The following GRK7 variants were observed in gnomAD, a reference collection of about 807,000 sequenced individuals.
GRK7 encodes the protein rhodopsin kinase GRK7.
GRK7 carries 24 observed loss-of-function variants against 34.1 expected under a neutral mutation model. That is an observed-to-expected ratio of 0.70 (90% CI 0.51 to 0.99). The LOEUF (loss-of-function observed/expected upper bound fraction) is 0.99, where lower values mean the gene tolerates loss of function less well. GRK7 is among the 50% of genes least tolerant of loss of function. The pLI is 0.00. For synonymous variants in GRK7, 256 were observed against 279.4 expected (o/e 0.92, Z 0.84); for missense variants, 644 against 707.3 (o/e 0.91, Z 1.02).
chr3:141,806,914 G>C (rs1711042319), intron 4 of GRK7, among the ~76,000 whole-genome samples: 2 of 151,544 alleles, frequency 1.3e-5, no homozygotes, highest in South Asian at 2.1e-4. Context: ...TATATAAATA[G>C]ATATGTCTTA....
chr3:141,751,656 CAT>C, the GRK7 span, among the ~76,000 whole-genome samples: 14 of 152,330 alleles, frequency 9.2e-5, no homozygotes, highest in Admixed American at 2.6e-4. Context: ...AAGAAAATAA[CAT>C]AATCATTTAT....
intron 5 of GRK7, among the ~76,000 whole-genome samples, chr3:141,809,915 G>T (rs944320143): frequency 9.2e-5 from 14 of 152,264 alleles, no homozygotes; most frequent in African/African-American, 3.4e-4. Flanking sequence ...AAAGGCGGGG[G>T]TTGTGGGTGT....
intron 3 of GRK7, 67 bp from the exon 4 acceptor site, chr3:141,780,307 A>G: frequency 7.5e-7 from 1 of 1,337,188 alleles, no homozygotes; most frequent in Non-Finnish European, 1.0e-6. Flanking sequence ...CTCCTCCTTT[A>G]TCATCTCCAC....
rs764500426 is a variant in GRK7, at chr3:141,818,490, A to AT, written c.*1440_*1441insT. The stretch of plus-strand genomic sequence containing the variant: ...GAGCAAGACTCTATCTCAAAAAAAA[A>AT]CAAAACAAAACAAAACAAAAAAAAC... On this transcript the variant is annotated 3_prime_UTR_variant, in exon 6 of 6. Coordinates refer to ENST00000682958, the MANE Select transcript of GRK7 (RefSeq NM_139209.3). The AT allele has an allele frequency of 3.3e-5, 5 of 150,888 alleles. No homozygotes were observed. Among genetic ancestry groups the AT allele is most frequent in the Non-Finnish European group, 7.3e-5 (5 of 68,180 alleles). 9.3% of individuals were successfully genotyped at this position (150,888 alleles called of 1,614,324 possible). A position where few individuals can be genotyped will look rare whatever the true frequency, so the allele number is the denominator to read the frequency against.
intron 5 of GRK7, among the ~76,000 whole-genome samples, chr3:141,813,878 A>G (rs1342925398): frequency 1.3e-5 from 2 of 152,250 alleles, no homozygotes; most frequent in Admixed American, 6.5e-5. Flanking sequence ...ACTTAGAGAC[A>G]GGGCTGTTGT....
Position 141,792,318 on chromosome 3 carries a change from T to C in GRK7, c.1050+11507T>C, listed in dbSNP as rs551465580. On this transcript the variant is annotated intron_variant, in intron 4 of 5. Transcript: ENST00000682958. The stretch of plus-strand genomic sequence containing the variant: ...ACTCGGGAGGCTGAGGCAGGGGAAT[T>C]GCTTGAACCCAAGAGACGGAGGCTG... Among the ~76,000 whole-genome samples the C allele has an allele frequency of 9.9e-5, 15 of 151,266 alleles. 1 individual carries two copies. The highest frequency in any genetic ancestry group is 3.6e-4 in the African/African-American group (15 of 41,138).
At chr3:141,780,299 C>T in intron 3 of GRK7, 75 bp from the exon 4 acceptor site, 1 of 1,255,902 alleles carries the variant, frequency 8.0e-7, no homozygotes, top group Non-Finnish European at 1.1e-6. Flanking sequence ...CCACCCACCT[C>T]CTCCTTTATC....
At chr3:141,756,417 A>G in the GRK7 span, among the ~76,000 whole-genome samples, 2 of 152,226 alleles carry the variant, frequency 1.3e-5, no homozygotes, top group Admixed American at 6.5e-5. Context: ...TTCAGGCACA[A>G]AAGACTACTT....
upstream of GRK7, among the ~76,000 whole-genome samples, chr3:141,762,925 A>C (rs1280371803): frequency 2.0e-5 from 3 of 152,172 alleles, no homozygotes; most frequent in Non-Finnish European, 2.9e-5. Context: ...TTGACTTGGA[A>C]AGGGAACTCC....
intron 3 of GRK7, 31 bp from the exon 4 acceptor site, chr3:141,780,343 C>A (rs751163213): frequency 6.3e-6 from 10 of 1,586,250 alleles, no homozygotes; most frequent in Non-Finnish European, 8.6e-6. Context: ...TCTACTTCTA[C>A]CTCTTTCTCT....
chr3:141,798,359 T>C (rs943987734), intron 4 of GRK7, among the ~76,000 whole-genome samples: 3 of 152,128 alleles, frequency 2.0e-5, no homozygotes, highest in Admixed American at 2.0e-4. Flanking sequence ...GTATACTTGG[T>C]TTTTGCCTGA....
intron 4 of GRK7, among the ~76,000 whole-genome samples, chr3:141,803,375 G>A (rs1171398555): frequency 2.6e-5 from 4 of 151,330 alleles, no homozygotes; most frequent in Non-Finnish European, 5.9e-5. Flanking sequence ...AGGCTACAGC[G>A]AGCCAAGATC....
intron 5 of GRK7, among the ~76,000 whole-genome samples, chr3:141,816,235 T>C (rs202095340): frequency 6.6e-6 from 1 of 152,070 alleles, no homozygotes; most frequent in Non-Finnish European, 1.5e-5. Flanking sequence ...ATTGTGGCAG[T>C]TGGGGAGGTA....
chr3:141,799,291 T>C (rs1710925888), intron 4 of GRK7, among the ~76,000 whole-genome samples: 1 of 152,082 alleles, frequency 6.6e-6, no homozygotes, highest in African/African-American at 2.4e-5. Flanking sequence ...CACCTACTTC[T>C]ATAGAGGCGG....
intron 3 of GRK7, among the ~76,000 whole-genome samples, chr3:141,779,478 G>C (rs2084660515): frequency 6.6e-6 from 1 of 151,648 alleles, no homozygotes; most frequent in African/African-American, 2.4e-5. Flanking sequence ...TTGAGAACCT[G>C]TTTTGTACCA....
chr3:141,770,992 C>T (rs1577910476), intron 1 of GRK7, among the ~76,000 whole-genome samples: 2 of 66,678 alleles, frequency 3.0e-5, no homozygotes, highest in African/African-American at 1.2e-4. Context: ...GATACCCAGT[C>T]TCAAAAAAAA....
At chr3:141,809,671 A>G (rs577305225) in intron 5 of GRK7, among the ~76,000 whole-genome samples, 8 of 152,254 alleles carry the variant, frequency 5.3e-5, no homozygotes, top group African/African-American at 7.2e-5. Context: ...GTACTCCAGC[A>G]TGGGTGGCAG....
intron 4 of GRK7, among the ~76,000 whole-genome samples, chr3:141,804,191 C>T (rs1328002562): frequency 6.6e-6 from 1 of 152,146 alleles, no homozygotes; most frequent in Middle Eastern, 3.2e-3. Flanking sequence ...CTTCAGCTTG[C>T]ACACCTCTCA....
chr3:141,762,840 T>C (rs936895511), upstream of GRK7, among the ~76,000 whole-genome samples: 11 of 152,258 alleles, frequency 7.2e-5, no homozygotes, highest in Admixed American at 3.9e-4. Context: ...TGTGCCGTTC[T>C]TTAAGCCGGT....
Sources: gnomAD v4.1 joint callset for allele counts (sites outside exome capture counted in the v4.1 genomes callset) on GRCh38, gnomAD v4.1.1 for gene constraint, MANE v1.5 for transcripts, NCBI Gene and HGNC (gene_info 2026-07-23, HGNC 2026-07-21) for gene names.